Variants in KDM4B observed in about 807,000 individuals in gnomAD.
KDM4B encodes the protein lysine demethylase 4B, also known as lysine-specific demethylase 4B.
A neutral mutation model predicts 125.2 loss-of-function variants in KDM4B; 32 were observed. The observed-to-expected ratio is 0.26, with a 90% CI of 0.19 to 0.34. The LOEUF (loss-of-function observed/expected upper bound fraction) is 0.34. KDM4B is among the 10% of genes least tolerant of loss of function. The pLI, the probability that KDM4B is intolerant of heterozygous loss-of-function variation, is 1.00. For synonymous variants in KDM4B, 721 were observed against 677.9 expected, an observed-to-expected ratio of 1.06 and a Z score of -0.99; for missense variants, 1,190 against 1,577.7, an observed-to-expected ratio of 0.75 and a Z score of 4.16.
chr19:5,077,133 T>A, intron 7 of KDM4B: 1 of 568,588 alleles, frequency 1.8e-6, no homozygotes, highest in Non-Finnish European at 3.1e-6. Flanking sequence ...CACCACTGTC[T>A]GCCACCTGCA....
At chr19:5,094,515 G>A (rs1044801168) in intron 9 of KDM4B, among the ~76,000 whole-genome samples, 2 of 152,206 alleles carry the variant, frequency 1.3e-5, no homozygotes. Context: ...CAGGGAGCCC[G>A]GCGTGGATGG....
intron 10 of KDM4B, chr19:5,112,037 G>C: frequency 5.5e-6 from 3 of 549,982 alleles, no homozygotes; most frequent in Admixed American, 3.1e-5. Context: ...AGGATTGCTT[G>C]AGTCCAGGGG....
intron 5 of KDM4B, among the ~76,000 whole-genome samples, chr19:5,041,879 C>T (rs1221832805): frequency 6.6e-6 from 1 of 152,258 alleles, no homozygotes; most frequent in Non-Finnish European, 1.5e-5. Context: ...GAGGCCACGG[C>T]CAGCCTTGGC....
chr19:5,097,190 ATGTAGTAAAAGGC>A (rs2038845167), intron 9 of KDM4B, among the ~76,000 whole-genome samples: 1 of 152,198 alleles, frequency 6.6e-6, no homozygotes, highest in Non-Finnish European at 1.5e-5. Context: ...ATTCTTAAAT[ATGTAGTAAAAGGC>A]TGTAAAGCCC....
At chr19:5,094,108 C>T (rs2145926378) in intron 9 of KDM4B, among the ~76,000 whole-genome samples, 1 of 152,332 alleles carries the variant, frequency 6.6e-6, no homozygotes, top group South Asian at 2.1e-4. Flanking sequence ...GGGGTGTCGC[C>T]CTCTCCTCTG....
chr19:5,059,678 C>T (rs552343917), intron 6 of KDM4B, among the ~76,000 whole-genome samples: 14 of 152,348 alleles, frequency 9.2e-5, no homozygotes, highest in East Asian at 7.7e-4. Context: ...CCATTTAGGA[C>T]GCTCCAGGCC....
chr19:5,092,364 G>A (rs953363910), intron 9 of KDM4B, among the ~76,000 whole-genome samples: 1 of 152,172 alleles, frequency 6.6e-6, no homozygotes, highest in African/African-American at 2.4e-5. Context: ...TCCCATGGGG[G>A]CAGGGCCACC....
chr19:5,103,798 G>A (rs935349298), intron 9 of KDM4B, among the ~76,000 whole-genome samples: 1 of 152,316 alleles, frequency 6.6e-6, no homozygotes, highest in Admixed American at 6.5e-5. Flanking sequence ...GAGCCCAGGG[G>A]GCCTGGCTTT....
intron 10 of KDM4B, 72 bp from the exon 11 acceptor site, chr19:5,119,581 G>A (rs561855337): frequency 2.4e-5 from 34 of 1,419,744 alleles, no homozygotes; most frequent in African/African-American, 5.7e-5. Flanking sequence ...GCGTGCTGCC[G>A]GACAGAGTGC....
intron 9 of KDM4B, among the ~76,000 whole-genome samples, chr19:5,089,973 G>A (rs986399458): frequency 4.6e-5 from 7 of 152,218 alleles, no homozygotes; most frequent in South Asian, 4.1e-4. Flanking sequence ...GTTCAAGACC[G>A]GCCTGGGCAA....
At chr19:5,113,982 A>G in intron 10 of KDM4B, 1 of 1,246,432 alleles carries the variant, frequency 8.0e-7, no homozygotes, top group Admixed American at 2.6e-5. Context: ...CTCTTCCAGA[A>G]CTAAATCTCG....
In KDM4B at chr19:5,078,943, G is replaced by T. The variant is rs536598253; in HGVS notation, c.780+1473G>T. The T allele has an allele frequency of 1.3e-5, 2 of 152,280 alleles. No homozygotes were observed. Among genetic ancestry groups the T allele is most frequent in the Admixed American group, 1.3e-4 (2 of 15,292 alleles). The allele number at this position is 152,280 out of a possible 1,614,324, so 9.4% of individuals were successfully genotyped here. On this transcript the variant is annotated intron_variant, in intron 8 of 22. Coordinates refer to ENST00000159111, the MANE Select transcript of KDM4B (RefSeq NM_015015.3). This position sits in a 1 kb window ranked among gnomAD's most constrained non-coding sequence, Gnocchi z 4.5. ...CCCACTGCAGCGAACAGCACCCTGT[G>T]CCGCCCGGCCTGGGGACCGTCCTTC...
chr19:5,013,026 T>A (rs1253977122), intron 1 of KDM4B, among the ~76,000 whole-genome samples: 1 of 152,218 alleles, frequency 6.6e-6, no homozygotes, highest in Non-Finnish European at 1.5e-5. Context: ...AGGCTCGGGC[T>A]GTGCCTTGAG....
At chr19:5,137,461 GA>G in intron 16 of KDM4B, 123 bp downstream of exon 16, 1 of 1,209,574 alleles carries the variant, frequency 8.3e-7, no homozygotes, top group Non-Finnish European at 1.2e-6. Flanking sequence ...CCTCTGCCCT[GA>G]GGGGGTGGAA....
chr19:5,014,994 CAAAA>C (rs772116720), intron 1 of KDM4B, among the ~76,000 whole-genome samples: 3 of 103,404 alleles, frequency 2.9e-5, no homozygotes. Context: ...GAGTCCGTCT[CAAAA>C]AAAAAAAAAA....
At chr19:4,989,698 G>C (rs540601574) in intron 1 of KDM4B, among the ~76,000 whole-genome samples, 1 of 151,592 alleles carries the variant, frequency 6.6e-6, no homozygotes, top group African/African-American at 2.4e-5. Flanking sequence ...TGTTGTCCAG[G>C]CTGGAGTGCA....
intron 4 of KDM4B, among the ~76,000 whole-genome samples, chr19:5,040,637 G>A (rs2036781741): frequency 6.6e-6 from 1 of 151,908 alleles, no homozygotes; most frequent in East Asian, 1.9e-4. Context: ...CGTAGCCTCC[G>A]TGCTGCGCAG....
At chr19:5,129,341 A>G (rs1184477854) in intron 11 of KDM4B, among the ~76,000 whole-genome samples, 2 of 151,694 alleles carry the variant, frequency 1.3e-5, no homozygotes, top group Non-Finnish European at 2.9e-5. Flanking sequence ...GTGTGGGTCA[A>G]GGGTTAAGTG....
intron 1 of KDM4B, among the ~76,000 whole-genome samples, chr19:4,976,022 G>A (rs1161335921): frequency 6.6e-6 from 1 of 151,682 alleles, no homozygotes; most frequent in African/African-American, 2.4e-5. Flanking sequence ...GGCCGAGGCG[G>A]GTGGATCACC....
Sources: gnomAD v4.1 joint callset for allele counts (sites outside exome capture counted in the v4.1 genomes callset) on GRCh38, gnomAD v4.1.1 for gene constraint, Gnocchi (gnomAD v3.1) non-coding constraint, MANE v1.5 for transcripts, NCBI Gene and HGNC (gene_info 2026-07-23, HGNC 2026-07-21) for gene names.